Variants in PTPRM observed in about 807,000 individuals in gnomAD.
PTPRM encodes protein tyrosine phosphatase receptor type M.
PTPRM carries 47 observed loss-of-function variants against 186.7 expected under a neutral mutation model. The observed-to-expected ratio is 0.25, with a 90% CI of 0.20 to 0.32. The LOEUF is 0.32. PTPRM is among the 10% of genes least tolerant of loss of function. The pLI is 1.00. For synonymous variants in PTPRM, 668 were observed against 674.9 expected, an observed-to-expected ratio of 0.99 and a Z score of 0.16; for missense variants, 1,494 against 1,865.0, an observed-to-expected ratio of 0.80 and a Z score of 3.66.
intron 2 of PTPRM, among the ~76,000 whole-genome samples, chr18:7,882,522 A>G (rs1039154556): frequency 3.9e-5 from 6 of 152,200 alleles, no homozygotes; most frequent in African/African-American, 1.4e-4. Context: ...CACAAATTTA[A>G]AGGCATGGTC....
intron 1 of PTPRM, among the ~76,000 whole-genome samples, chr18:7,632,903 G>A (rs1393133874): frequency 1.3e-5 from 2 of 152,210 alleles, no homozygotes; most frequent in African/African-American, 2.4e-5. Flanking sequence ...GCAATTAGCA[G>A]TAACAGTCTT....
chr18:8,145,173 G>A (rs1226973123), intron 14 of PTPRM, among the ~76,000 whole-genome samples: 2 of 152,210 alleles, frequency 1.3e-5, no homozygotes, highest in African/African-American at 2.4e-5. Flanking sequence ...TAGCCATTTG[G>A]AGAGAGAAGG....
chr18:7,739,017 A>G (rs2040834009), intron 1 of PTPRM, among the ~76,000 whole-genome samples: 1 of 152,138 alleles, frequency 6.6e-6, no homozygotes, highest in African/African-American at 2.4e-5. Flanking sequence ...TTCTTGGTCT[A>G]GCCACTGAGC....
At chr18:7,843,878 G>T (rs560438306) in intron 2 of PTPRM, among the ~76,000 whole-genome samples, 1 of 152,134 alleles carries the variant, frequency 6.6e-6, no homozygotes, top group African/African-American at 2.4e-5. Context: ...TCATCTGAAG[G>T]CTTGTTCACT....
intron 1 of PTPRM, among the ~76,000 whole-genome samples, chr18:7,599,352 A>C (rs1006482091): frequency 6.6e-6 from 1 of 152,212 alleles, no homozygotes; most frequent in Non-Finnish European, 1.5e-5. Flanking sequence ...TGAACCGCTA[A>C]AGTTAGCATG....
intron 1 of PTPRM, among the ~76,000 whole-genome samples, chr18:7,676,405 C>G (rs1344942711): frequency 6.6e-6 from 1 of 152,032 alleles, no homozygotes; most frequent in Non-Finnish European, 1.5e-5. Context: ...GCCTCCTGTC[C>G]GTCTTGTCCT....
intron 2 of PTPRM, among the ~76,000 whole-genome samples, chr18:7,830,813 G>A (rs1460091088): frequency 6.6e-6 from 1 of 152,074 alleles, no homozygotes; most frequent in Non-Finnish European, 1.5e-5. Context: ...ACACCCGAAA[G>A]CATTTTTACC....
intron 1 of PTPRM, among the ~76,000 whole-genome samples, chr18:7,690,251 A>G (rs2039704373): frequency 6.6e-6 from 1 of 152,212 alleles, no homozygotes; most frequent in African/African-American, 2.4e-5. Flanking sequence ...ACAGGTGGTC[A>G]CCAGTGTGCA....
chr18:7,649,288 AC>A (rs1404898238), intron 1 of PTPRM, among the ~76,000 whole-genome samples: 11 of 152,350 alleles, frequency 7.2e-5, no homozygotes, highest in Admixed American at 7.2e-4. Context: ...CTGGAGATGT[AC>A]AAGGAGATTA....
At chr18:8,305,934 G>A (rs1196314614) in intron 20 of PTPRM, among the ~76,000 whole-genome samples, 1 of 148,146 alleles carries the variant, frequency 6.8e-6, no homozygotes, top group African/African-American at 2.5e-5. Flanking sequence ...TTTCACCCTT[G>A]TTGCCCAGGC....
At chr18:8,132,327 G>A (rs772214503) in intron 13 of PTPRM, among the ~76,000 whole-genome samples, 13 of 152,098 alleles carry the variant, frequency 8.5e-5, no homozygotes, top group Non-Finnish European at 1.6e-4. Flanking sequence ...ATGCACACAC[G>A]TGCACATAGG....
intron 4 of PTPRM, among the ~76,000 whole-genome samples, chr18:7,920,531 C>A (rs548741301): frequency 1.3e-5 from 2 of 152,090 alleles, no homozygotes; most frequent in Non-Finnish European, 1.5e-5. Flanking sequence ...TTTCAGTTTG[C>A]GTGTTTTTAT....
At chr18:7,670,689 C>G (rs1260968288) in intron 1 of PTPRM, among the ~76,000 whole-genome samples, 1 of 152,144 alleles carries the variant, frequency 6.6e-6, no homozygotes, top group Non-Finnish European at 1.5e-5. Context: ...TACTGTCGCT[C>G]TTTTGTATGT....
At position 8,047,519 on chromosome 18, in the gene PTPRM, T is replaced by C. The variant is rs1422714131; in HGVS notation, c.1133-22167T>C. ...ACAAAAATGTCTTGTTTTATATCAG[T>C]CACACAATGCACTTTCTCTAGGTGT... On this transcript the variant is annotated intron_variant, in intron 7 of 32. Coordinates refer to ENST00000580170, the MANE Select transcript of PTPRM (RefSeq NM_001105244.2). Among the ~76,000 whole-genome samples the C allele has an allele frequency of 7.2e-5, 11 of 152,144 alleles. 1 individual carries two copies. Among genetic ancestry groups the C allele is most frequent in the Admixed American group, 6.5e-4 (10 of 15,276 alleles).
chr18:7,741,584 T>C (rs2040885778), intron 1 of PTPRM: 1 of 152,226 alleles, frequency 6.6e-6, no homozygotes, highest in Non-Finnish European at 1.5e-5. Flanking sequence ...TTTGTTTTTT[T>C]TATGGCTTCT....
In PTPRM at chr18:8,296,394, A is replaced by G. The variant is rs778967119; in HGVS notation, c.2781A>G (p.Pro927=). 13 of 1,611,158 alleles carry G rather than the reference A, an allele frequency of 8.1e-6. No individual in the cohort carries two copies. Among genetic ancestry groups the G allele is most frequent in the Non-Finnish European group, 1.1e-5 (13 of 1,177,452 alleles). Residue 927 remains proline, a synonymous_variant, in exon 20 of 33, where the codon CCA becomes CCG. Coordinates refer to ENST00000580170, the MANE Select transcript of PTPRM (RefSeq NM_001105244.2). ...GCTTCTTTGAAGGGCAGTCTGCACC[A>G]TGGGACTCGGCTAAGAAAGATGAGA... The part of the protein sequence containing the change: ...YESFFEGQSA[P]WDSAKKDENR...
chr18:7,584,295 T>G (rs2036920489), intron 1 of PTPRM, among the ~76,000 whole-genome samples: 1 of 152,154 alleles, frequency 6.6e-6, no homozygotes, highest in Non-Finnish European at 1.5e-5. Flanking sequence ...GATGCAAGTT[T>G]GTAAGTAAGT....
Position 7,668,201 on chromosome 18 carries a change from C to T in PTPRM, c.73+100310C>T, listed in dbSNP as rs1179749361. Among the ~76,000 whole-genome samples, 5 of 152,156 alleles carry T rather than the reference C, an allele frequency of 3.3e-5. No individual in the cohort carries two copies. Among genetic ancestry groups the T allele is most frequent in the African/African-American group, 1.2e-4 (5 of 41,448 alleles). Reference sequence around the variant, plus strand: ...AAAGGGTGTGCATGGTGAGGAGCTGCACCACGGTGGTGCCCGCAGACGCTG... The same window carrying T: ...AAAGGGTGTGCATGGTGAGGAGCTGTACCACGGTGGTGCCCGCAGACGCTG... On this transcript the variant is annotated intron_variant, in intron 1 of 32. Transcript: ENST00000580170. This position sits in a 1 kb window ranked among gnomAD's most constrained non-coding sequence, Gnocchi z 4.7.
intron 1 of PTPRM, among the ~76,000 whole-genome samples, chr18:7,718,790 G>A (rs995830940): frequency 2.0e-5 from 3 of 151,894 alleles, no homozygotes; most frequent in East Asian, 1.9e-4. Flanking sequence ...TACAAACAAC[G>A]AACAAACATA....
Sources: gnomAD v4.1 joint callset for allele counts (sites outside exome capture counted in the v4.1 genomes callset) on GRCh38, gnomAD v4.1.1 for gene constraint, Gnocchi (gnomAD v3.1) non-coding constraint, MANE v1.5 for transcripts, NCBI Gene and HGNC (gene_info 2026-07-23, HGNC 2026-07-21) for gene names.